The following FAM200A variants were observed in gnomAD, a reference collection of about 807,000 sequenced individuals.
FAM200A encodes the protein protein FAM200A.
A neutral mutation model predicts 44.2 loss-of-function variants in FAM200A; 26 were observed. That is an observed-to-expected ratio of 0.59 (90% CI 0.43 to 0.82). FAM200A has a LOEUF of 0.82. FAM200A is among the 40% of genes least tolerant of loss of function. The pLI, the probability that FAM200A is intolerant of heterozygous loss-of-function variation, is 0.00. For synonymous variants in FAM200A, 206 were observed against 244.4 expected (o/e 0.84, Z 1.47); for missense variants, 606 against 669.5 (o/e 0.91, Z 1.05).
upstream of FAM200A, among the ~76,000 whole-genome samples, chr7:99,556,145 A>G (rs1010697380): frequency 2.0e-5 from 3 of 152,162 alleles, no homozygotes. Context: ...ATAAGTGCCC[A>G]TATCTTCAGG....
chr7:99,549,917 G>A (rs1802489444), intron 1 of FAM200A, among the ~76,000 whole-genome samples: 1 of 152,014 alleles, frequency 6.6e-6, no homozygotes, highest in African/African-American at 2.4e-5. Context: ...GGGAAGTGGG[G>A]AGGGATAGCA....
chr7:99,553,091 ATATATATATTT>A (rs1367984594), upstream of FAM200A, among the ~76,000 whole-genome samples: 59 of 96,936 alleles, frequency 6.1e-4, no homozygotes, highest in African/African-American at 1.0e-3. Context: ...ATATATATAT[ATATATATATTT>A]TTTTTTTTTT....
Position 99,547,078 on chromosome 7 carries a change from C to A in FAM200A, c.1330G>T (p.Glu444Ter). ...FNYYFPEEKF[E>*]SLKENIWMKD... ...ATCCAAATATTTTCCTTTAATGATTCAAATTTCTCTTCCGGAAAGTAATAA... is the reference window on the plus strand; with the variant it reads ...ATCCAAATATTTTCCTTTAATGATTAAAATTTCTCTTCCGGAAAGTAATAA... Residue 444 changes from glutamate to a stop codon, truncating the protein, a stop_gained, in exon 2 of 2, where the codon GAA (glutamate) becomes TAA (stop). Transcript: ENST00000449309. LOFTEE classifies it high-confidence loss of function. 9 of 1,546,350 alleles carry A rather than the reference C, an allele frequency of 5.8e-6. No homozygotes were observed. Among genetic ancestry groups the A allele is most frequent in the Non-Finnish European group, 7.9e-6 (9 of 1,145,714 alleles).
At chr7:99,554,478 CAAAAAAAAAAAAAAA>C (rs397889799), upstream of FAM200A, among the ~76,000 whole-genome samples, 3 of 52,200 alleles carry the variant, frequency 5.7e-5, no homozygotes, top group African/African-American at 2.1e-4. Context: ...GACTCCGTCT[CAAAAAAAAAAAAAAA>C]AAAAAAAGAA....
At chr7:99,551,662 A>G (rs2151130840) in intron 1 of FAM200A, among the ~76,000 whole-genome samples, 192 bp downstream of exon 1, 1 of 152,336 alleles carries the variant, frequency 6.6e-6, no homozygotes, top group East Asian at 1.9e-4. Flanking sequence ...CCAGGAAACC[A>G]GAAAAGCCCC....
chr7:99,552,128 G>A (rs373855845), upstream of FAM200A: 6 of 985,388 alleles, frequency 6.1e-6, no homozygotes, highest in African/African-American at 8.7e-5. Context: ...AGCCGGAAGT[G>A]CGTCACACCC....
At chr7:99,548,603 G>T in intron 1 of FAM200A, 97 bp from the exon 2 acceptor site, 1 of 1,063,838 alleles carries the variant, frequency 9.4e-7, no homozygotes, top group Admixed American at 3.1e-5. Flanking sequence ...CTAGTGGTGT[G>T]ACATGGTAAA....
chr7:99,547,460 G>A lies in FAM200A; in HGVS notation c.948C>T (p.Leu316=), dbSNP rs1802415770. The A allele has an allele frequency of 6.4e-7, 1 of 1,551,372 alleles. No homozygotes were observed. Among genetic ancestry groups the A allele is most frequent in the Non-Finnish European group, 8.7e-7 (1 of 1,146,916 alleles). ...CGAGAAAAATGTAAATCTCGTTCCT[G>A]AGTTCATATACTCTGCTCAATACTT... ...QGKVLSRVYE[L]RNEIYIFLVE... Residue 316 remains leucine (L), a synonymous_variant, in exon 2 of 2, where the codon CTC becomes CTT. Coordinates refer to ENST00000449309, the MANE Select transcript of FAM200A (RefSeq NM_145111.4).
chr7:99,557,408 C>T (rs368694917), intron 1 of FAM200A, among the ~76,000 whole-genome samples: 1 of 152,118 alleles, frequency 6.6e-6, no homozygotes, highest in Non-Finnish European at 1.5e-5. Flanking sequence ...TTTAGCTCTC[C>T]TAGGATATTA....
upstream of FAM200A, among the ~76,000 whole-genome samples, chr7:99,552,725 C>T (rs1802564160): frequency 6.6e-6 from 1 of 151,950 alleles, no homozygotes; most frequent in Non-Finnish European, 1.5e-5. Flanking sequence ...AAAACAGTAA[C>T]TGAGACCTTG....
At chr7:99,554,663 G>C (rs2151133184), upstream of FAM200A, among the ~76,000 whole-genome samples, 1 of 152,138 alleles carries the variant, frequency 6.6e-6, no homozygotes. Flanking sequence ...CCCTACCTTA[G>C]GCTACCTCCT....
At chr7:99,552,163 C>CG, upstream of FAM200A, 1 of 985,466 alleles carries the variant, frequency 1.0e-6, no homozygotes, top group Non-Finnish European at 1.2e-6. Context: ...CGCTCCGCTT[C>CG]GGGGTCCTCT....
At position 99,548,168 on chromosome 7, in the gene FAM200A, C is replaced by T. The variant is rs772064121; in HGVS notation, c.240G>A (p.Ala80=). 3.9e-6 allele frequency: 6 copies of T among 1,552,966 alleles called. No homozygotes were observed. The highest frequency in any genetic ancestry group is 2.4e-5 in the East Asian group (1 of 41,094). The change falls in exon 2 of 2, where the codon GCG becomes GCA. Residue 80 remains alanine (A), a synonymous_variant. Transcript: ENST00000449309. ...ATGCTGGAAGGATAATTTTTTCAGC[C>T]GCTGTGTGAGCCATTTTCTCTTTTG... is the stretch of plus-strand genomic sequence containing the variant. The part of the protein sequence containing the change: ...RVAKEKMAHT[A]AEKIILPACM...
At position 99,548,046 on chromosome 7, in the gene FAM200A, G is replaced by A. The variant is rs546433268; in HGVS notation, c.362C>T (p.Thr121Met). 3.4e-5 allele frequency: 52 copies of A among 1,551,458 alleles called. 1 individual carries two copies. The South Asian group carries it at 5.5e-4, about 16-fold the overall frequency. ...CATTGCTTCCAAATGTTTTGCAATC[G>A]TACAGATTCGACGAGATATTGTATT... ...SDNTISRRICTIAKHLEAMLI... is the reference protein window; with the variant it reads ...SDNTISRRICMIAKHLEAMLI... The change falls in exon 2 of 2, where the codon ACG becomes ATG. Residue 121 changes from threonine to methionine, a missense_variant. Physicochemically the swap from Thr to Met is moderately conservative, Grantham distance 81. Transcript: ENST00000449309.
chr7:99,556,758 C>A (rs78218664), upstream of FAM200A, among the ~76,000 whole-genome samples: 9,375 of 152,188 alleles, frequency 0.062, 362 homozygotes, highest in African/African-American at 0.11. Flanking sequence ...AAAACAGGCT[C>A]GGTGCAGTGG....
Position 99,548,247 on chromosome 7 carries a change from G to A in FAM200A, c.161C>T (p.Thr54Ile). The stretch of plus-strand genomic sequence containing the variant: ...CAATAAGGCTCTCTCATTCATAGTT[G>A]TAGAGCGACTGAGAACTTGTGGCGA... ...ESSPQVLSRSTTMNERALLSS... is the reference protein window; with the variant it reads ...ESSPQVLSRSITMNERALLSS... Residue 54 changes from threonine to isoleucine, a missense_variant, in exon 2 of 2, where the codon ACA becomes ATA. By Grantham distance (89) the Thr-to-Ile change is moderately conservative. Coordinates refer to ENST00000449309, the MANE Select transcript of FAM200A (RefSeq NM_145111.4). The A allele has an allele frequency of 1.2e-6, 2 of 1,611,840 alleles. No individual in the cohort carries two copies. Among genetic ancestry groups the A allele is most frequent in the South Asian group, 2.2e-5 (2 of 90,710 alleles).
At chr7:99,553,662 C>T (rs1349213004), upstream of FAM200A, among the ~76,000 whole-genome samples, 1 of 152,226 alleles carries the variant, frequency 6.6e-6, no homozygotes, top group African/African-American at 2.4e-5. Flanking sequence ...GTAATAGAGG[C>T]TACTCCTGTA....
intron 1 of FAM200A, 67 bp downstream of exon 1, chr7:99,551,787 C>T (rs1802538093): frequency 1.0e-6 from 1 of 981,030 alleles, no homozygotes; most frequent in Non-Finnish European, 1.2e-6. Flanking sequence ...AAGGGACACG[C>T]AGACCGCCTC....
chr7:99,551,293 G>A (rs1398273188), intron 1 of FAM200A, among the ~76,000 whole-genome samples: 1 of 151,776 alleles, frequency 6.6e-6, no homozygotes, highest in African/African-American at 2.4e-5. Flanking sequence ...TCCGCCTCCC[G>A]GGTTCAAGCG....
Sources: gnomAD v4.1 joint callset for allele counts (sites outside exome capture counted in the v4.1 genomes callset) on GRCh38, gnomAD v4.1.1 for gene constraint, MANE v1.5 for transcripts, NCBI Gene and HGNC (gene_info 2026-07-23, HGNC 2026-07-21) for gene names.